Variants in KIFAP3 observed in about 807,000 individuals in gnomAD.
KIFAP3 encodes the protein kinesin associated protein 3.
KIFAP3 carries 68 observed loss-of-function variants against 106.5 expected under a neutral mutation model. The ratio of observed to expected loss-of-function variants is 0.64; its 90% CI spans 0.53 to 0.78. The LOEUF (loss-of-function observed/expected upper bound fraction) is 0.78. Ranked by LOEUF, KIFAP3 falls within the 30% of genes least tolerant of loss-of-function variation. KIFAP3 has a pLI of 0.00. For synonymous variants in KIFAP3, 320 were observed against 311.5 expected (o/e 1.03, Z -0.29); for missense variants, 780 against 941.8 (o/e 0.83, Z 2.25).
intron 17 of KIFAP3, among the ~76,000 whole-genome samples, chr1:169,966,544 TA>T (rs1288904326): frequency 3.3e-5 from 5 of 150,670 alleles, no homozygotes; most frequent in Non-Finnish European, 5.9e-5. Flanking sequence ...TAAAGAGTCA[TA>T]ACATAATTTT....
intron 1 of KIFAP3, among the ~76,000 whole-genome samples, chr1:170,060,607 T>C (rs774256878): frequency 1.5e-4 from 23 of 152,186 alleles, no homozygotes; most frequent in Middle Eastern, 3.2e-3. Context: ...ATAGATTCAA[T>C]GACATCCCCA....
intron 11 of KIFAP3, among the ~76,000 whole-genome samples, chr1:169,987,994 G>A (rs1406282786): frequency 6.6e-6 from 1 of 151,858 alleles, no homozygotes; most frequent in Non-Finnish European, 1.5e-5. Context: ...AGACCATTAA[G>A]ATCATGTATA....
chr1:169,949,389 C>A (rs1015766170), intron 19 of KIFAP3, among the ~76,000 whole-genome samples: 30 of 151,914 alleles, frequency 2.0e-4, no homozygotes, highest in African/African-American at 7.0e-4. Context: ...GAACTCCAGG[C>A]TCTCTGAAAA....
In KIFAP3 at chr1:170,066,830, T is replaced by C. The variant is rs188213017; in HGVS notation, c.32+7606A>G. On this transcript the variant is annotated intron_variant, in intron 1 of 19. Transcript: ENST00000361580. ...GACTAAAAAGCCCAGTTTAATGTAA[T>C]TGAATCTCTGAGAACTAATTAAGGT... 2.0e-3 allele frequency among the ~76,000 whole-genome samples: 302 copies of C among 152,310 alleles called. 1 individual carries two copies. In the Middle Eastern group the frequency reaches 0.027, roughly 14 times the overall value.
chr1:169,921,832 C>A (rs757283573), intron 19 of KIFAP3, 51 bp from the exon 20 acceptor site: 1 of 1,346,582 alleles, frequency 7.4e-7, no homozygotes, highest in Non-Finnish European at 1.1e-6. Context: ...CACACATCCA[C>A]AATGCAGATT....
intron 1 of KIFAP3, among the ~76,000 whole-genome samples, chr1:170,072,148 T>C (rs574953583): frequency 6.6e-6 from 1 of 152,316 alleles, no homozygotes; most frequent in South Asian, 2.1e-4. Context: ...TATCCTTCAA[T>C]AGTTCACCAA....
At chr1:169,992,830 T>G (rs1009645058) in intron 10 of KIFAP3, among the ~76,000 whole-genome samples, 1 of 152,054 alleles carries the variant, frequency 6.6e-6, no homozygotes, top group African/African-American at 2.4e-5. Flanking sequence ...GCTTTGAAAC[T>G]GAAAAAAAGT....
At chr1:170,074,718 G>A (rs1310624568), upstream of KIFAP3, 12 of 1,384,036 alleles carry the variant, frequency 8.7e-6, no homozygotes, top group Middle Eastern at 2.7e-4. Context: ...CACGACGCAT[G>A]CGCTTGCTCT....
At chr1:169,923,293 A>G (rs1662922045) in intron 19 of KIFAP3, among the ~76,000 whole-genome samples, 1 of 152,176 alleles carries the variant, frequency 6.6e-6, no homozygotes, top group Non-Finnish European at 1.5e-5. Context: ...GGGAAGAGAG[A>G]CTAAATTTTG....
intron 10 of KIFAP3, among the ~76,000 whole-genome samples, chr1:169,993,106 C>CTTTT (rs202163966): frequency 7.7e-6 from 1 of 130,714 alleles, no homozygotes; most frequent in African/African-American, 2.8e-5. Flanking sequence ...CTTTTCTGTC[C>CTTTT]TTTTTTTTTT....
intron 1 of KIFAP3, among the ~76,000 whole-genome samples, chr1:170,062,257 G>T (rs1428608384): frequency 6.8e-6 from 1 of 146,012 alleles, no homozygotes. Context: ...AGGTTAAAGG[G>T]CAAAAAAAAA....
At chr1:170,050,367 C>T (rs149267380) in intron 2 of KIFAP3, among the ~76,000 whole-genome samples, 9,658 of 152,198 alleles carry the variant, frequency 0.063, 391 homozygotes, top group Non-Finnish European at 0.095. Context: ...CTATGATTGA[C>T]TGGTGTACCT....
intron 2 of KIFAP3, among the ~76,000 whole-genome samples, chr1:170,047,722 A>C (rs938751523): frequency 1.3e-5 from 2 of 152,128 alleles, no homozygotes; most frequent in Non-Finnish European, 2.9e-5. Flanking sequence ...TAGTGCACTA[A>C]AAAACAATAA....
At chr1:170,009,128 T>C (rs1668119315) in intron 10 of KIFAP3, among the ~76,000 whole-genome samples, 1 of 152,004 alleles carries the variant, frequency 6.6e-6, no homozygotes, top group South Asian at 2.1e-4. Flanking sequence ...GGGGCAGGAA[T>C]AGCATTAGGA....
At position 170,039,281 on chromosome 1, in the gene KIFAP3, T is replaced by G. The variant is rs376189230; in HGVS notation, c.327A>C (p.Lys109Asn). 2 of 1,595,204 alleles carry G rather than the reference T, an allele frequency of 1.3e-6. No homozygotes were observed. The highest frequency in any genetic ancestry group is 2.7e-5 in the African/African-American group (2 of 74,508). Residue 109 changes from lysine to asparagine, a missense_variant, in exon 4 of 20, where the codon AAA (lysine) becomes AAC (asparagine). Transcript: ENST00000361580. ...GATCTTTAGGCTTGCTTGATTTTTC[T>G]TTTTTCTCTGTAAAAAGATTTTTTT... ...RRDSLSGKEK[K>N]EKSSKPKDPP...
intron 17 of KIFAP3, among the ~76,000 whole-genome samples, chr1:169,969,820 G>T (rs1665813240): frequency 6.6e-6 from 1 of 151,982 alleles, no homozygotes; most frequent in South Asian, 2.1e-4. Flanking sequence ...CATGTTTAGA[G>T]AATAGTATCT....
chr1:170,026,449 T>G (rs888965903), intron 8 of KIFAP3, among the ~76,000 whole-genome samples: 6 of 152,092 alleles, frequency 3.9e-5, no homozygotes, highest in Non-Finnish European at 7.4e-5. Context: ...ATAAATGAGA[T>G]AGTCCTATGT....
At chr1:169,998,035 T>TG (rs1307978222) in intron 10 of KIFAP3, among the ~76,000 whole-genome samples, 3 of 147,736 alleles carry the variant, frequency 2.0e-5, no homozygotes, top group African/African-American at 7.6e-5. Context: ...AATCCCTTAA[T>TG]GGAAAAAAAA....
intron 16 of KIFAP3, among the ~76,000 whole-genome samples, chr1:169,975,176 A>G (rs1055003787): frequency 2.0e-5 from 3 of 152,078 alleles, no homozygotes; most frequent in African/African-American, 7.2e-5. Context: ...CCAAATAAGG[A>G]GGGCCAACTG....
Sources: gnomAD v4.1 joint callset for allele counts (sites outside exome capture counted in the v4.1 genomes callset) on GRCh38, gnomAD v4.1.1 for gene constraint, MANE v1.5 for transcripts, NCBI Gene and HGNC (gene_info 2026-07-23, HGNC 2026-07-21) for gene names.